ADCY8: variants seen among roughly 807,000 people sequenced by gnomAD.
ADCY8 encodes adenylate cyclase type 8.
ADCY8 carries 51 observed loss-of-function variants against 119.7 expected under a neutral mutation model. That is an observed-to-expected ratio of 0.43 (90% CI 0.34 to 0.54). The LOEUF (loss-of-function observed/expected upper bound fraction) is 0.54, where lower values mean the gene tolerates loss of function less well. Among genes scored for constraint, ADCY8 ranks in the 20% least tolerant of loss-of-function variants. ADCY8 has a pLI of 0.03. For missense variants in ADCY8, 1,383 were observed against 1,598.8 expected, an observed-to-expected ratio of 0.87 and a Z score of 2.30; for synonymous variants, 665 against 651.0, an observed-to-expected ratio of 1.02 and a Z score of -0.33.
intron 7 of ADCY8, among the ~76,000 whole-genome samples, chr8:130,897,609 T>A (rs1263544368): frequency 4.2e-5 from 1 of 23,850 alleles, no homozygotes; most frequent in East Asian, 1.0e-3. Flanking sequence ...CATTTCCTGA[T>A]GTTTTCATTT....
chr8:130,913,251 A>G (rs117721756), intron 5 of ADCY8, among the ~76,000 whole-genome samples: 3,309 of 152,194 alleles, frequency 0.022, 77 homozygotes, highest in South Asian at 0.08. Flanking sequence ...ATTATTGACT[A>G]TAGTCTGTTG....
chr8:130,830,275 A>G (rs1308297529), intron 12 of ADCY8, among the ~76,000 whole-genome samples: 1 of 152,184 alleles, frequency 6.6e-6, no homozygotes, highest in Non-Finnish European at 1.5e-5. Flanking sequence ...TGGTGGCTCC[A>G]TCTTCCCTTC....
At chr8:131,009,156 G>A (rs534088368) in intron 1 of ADCY8, among the ~76,000 whole-genome samples, 9 of 152,286 alleles carry the variant, frequency 5.9e-5, no homozygotes, top group Non-Finnish European at 1.2e-4. Context: ...AAGACAATGG[G>A]GAAAATGTCT....
chr8:130,994,364 C>G (rs777912152), intron 1 of ADCY8, among the ~76,000 whole-genome samples: 20 of 152,208 alleles, frequency 1.3e-4, no homozygotes, highest in Non-Finnish European at 4.4e-5. Flanking sequence ...AGTGATTTCA[C>G]CATTCTTCCA....
At chr8:130,797,597 A>G (rs987837256) in intron 15 of ADCY8, among the ~76,000 whole-genome samples, 11 of 152,178 alleles carry the variant, frequency 7.2e-5, no homozygotes, top group Admixed American at 7.2e-4. Context: ...ACAAGATACA[A>G]GAATATGGTC....
intron 2 of ADCY8, among the ~76,000 whole-genome samples, chr8:130,966,817 A>C (rs1025566347): frequency 2.0e-5 from 3 of 152,206 alleles, no homozygotes; most frequent in African/African-American, 7.2e-5. Flanking sequence ...GTGTGGGATT[A>C]AATCAGTTAA....
At chr8:131,039,294 A>G in intron 1 of ADCY8, 80 bp downstream of exon 1, 1 of 1,555,824 alleles carries the variant, frequency 6.4e-7, no homozygotes, top group South Asian at 1.2e-5. Flanking sequence ...GAGTGAGGCA[A>G]CCCTGGCTCT....
intron 13 of ADCY8, among the ~76,000 whole-genome samples, chr8:130,814,793 A>G (rs1816284813): frequency 6.6e-6 from 1 of 152,186 alleles, no homozygotes; most frequent in African/African-American, 2.4e-5. Flanking sequence ...CCCATGGCTC[A>G]GTTATCTCCA....
intron 3 of ADCY8, among the ~76,000 whole-genome samples, chr8:130,950,393 G>A (rs1219588351): frequency 6.6e-6 from 1 of 152,192 alleles, no homozygotes; most frequent in African/African-American, 2.4e-5. Flanking sequence ...AGCAATGTCA[G>A]TTTCTGGGGC....
chr8:131,023,497 C>A (rs1823737217), intron 1 of ADCY8, among the ~76,000 whole-genome samples: 1 of 152,150 alleles, frequency 6.6e-6, no homozygotes. Context: ...CAGACTGTAT[C>A]TTCCCTCCTT....
At chr8:130,951,253 T>C (rs1273489906) in intron 3 of ADCY8, among the ~76,000 whole-genome samples, 1 of 152,174 alleles carries the variant, frequency 6.6e-6, no homozygotes, top group Non-Finnish European at 1.5e-5. Flanking sequence ...ATAGGCAGAA[T>C]TGGGATTTTA....
chr8:131,027,029 C>A (rs768080261), intron 1 of ADCY8, among the ~76,000 whole-genome samples: 24 of 152,286 alleles, frequency 1.6e-4, no homozygotes, highest in Non-Finnish European at 3.4e-4. Context: ...GAACTCTATG[C>A]TTTTTTCTTT....
chr8:130,920,601 C>G (rs1239811627), intron 5 of ADCY8, among the ~76,000 whole-genome samples: 1 of 152,210 alleles, frequency 6.6e-6, no homozygotes, highest in Admixed American at 6.5e-5. Context: ...TATATTCTAA[C>G]TCTGAGCTTT....
At chr8:130,947,233 G>A (rs1041425560) in intron 3 of ADCY8, among the ~76,000 whole-genome samples, 3 of 152,142 alleles carry the variant, frequency 2.0e-5, no homozygotes, top group African/African-American at 4.8e-5. Flanking sequence ...CATTAGGAAC[G>A]TGGTCCCTGT....
At chr8:130,912,965 G>A (rs566879575) in intron 5 of ADCY8, among the ~76,000 whole-genome samples, 2 of 152,300 alleles carry the variant, frequency 1.3e-5, no homozygotes, top group South Asian at 4.1e-4. Context: ...GGAGGTCATT[G>A]AGAGGAGTCA....
chr8:130,792,536 C>A (rs1815455770), intron 15 of ADCY8, among the ~76,000 whole-genome samples: 1 of 152,164 alleles, frequency 6.6e-6, no homozygotes, highest in East Asian at 1.9e-4. Flanking sequence ...TCCTCATCGA[C>A]CCCCATCTTG....
chr8:130,814,454 G>A (rs263265), intron 13 of ADCY8, among the ~76,000 whole-genome samples: 25,455 of 152,176 alleles, frequency 0.17, 2,714 homozygotes, highest in South Asian at 0.32. Context: ...TGCCCCCTGT[G>A]ATTTCATACT....
intron 1 of ADCY8, among the ~76,000 whole-genome samples, chr8:131,037,730 T>C (rs1563777333): frequency 6.6e-6 from 1 of 151,752 alleles, no homozygotes; most frequent in Non-Finnish European, 1.5e-5. Context: ...CAAAGAAAAA[T>C]AAAAAAGAGA....
In ADCY8 at chr8:130,998,251, A is replaced by G. The variant is rs75538133; in HGVS notation, c.961-7709T>C. On this transcript the variant is annotated intron_variant, in intron 1 of 17. Transcript: ENST00000286355. The stretch of plus-strand genomic sequence containing the variant: ...TAGGATGGAAAGTGATGGCACAGGA[A>G]TAAGACTGCTAATTTAAAGGGAGTT... Among the ~76,000 whole-genome samples, 415 of 152,328 alleles carry G rather than the reference A, an allele frequency of 2.7e-3. 7 individuals are homozygous for G. The highest frequency in any genetic ancestry group is 0.027 in the South Asian group (130 of 4,824).
Sources: allele counts gnomAD v4.1 joint callset (sites outside exome capture counted in the v4.1 genomes callset), GRCh38; gene constraint gnomAD v4.1.1; transcripts MANE v1.5; gene names NCBI Gene and HGNC (gene_info 2026-07-23, HGNC 2026-07-21).